Variants in RTN4IP1 observed in about 807,000 individuals in gnomAD.
RTN4IP1 encodes NAD(P)H oxidoreductase RTN4IP1, mitochondrial.
In RTN4IP1, 32 loss-of-function variants were observed where a neutral mutation model predicts 46.6. The observed-to-expected ratio is 0.69, with a 90% confidence interval of 0.52 to 0.92. The LOEUF is 0.92. RTN4IP1 is among the 40% of genes least tolerant of loss of function. The probability of loss-of-function intolerance (pLI) is 0.00; values close to 1 mark genes in which losing one functional copy is unlikely to be tolerated. For missense variants in RTN4IP1, 424 were observed against 485.8 expected (o/e 0.87, Z 1.20); for synonymous variants, 167 against 161.8 (o/e 1.03, Z -0.24).
At chr6:106,610,739 A>C (rs977920552) in intron 4 of RTN4IP1, among the ~76,000 whole-genome samples, 3 of 152,110 alleles carry the variant, frequency 2.0e-5, no homozygotes, top group Admixed American at 1.3e-4. Context: ...TCTTAAGTAC[A>C]CATATAGAGC....
chr6:106,608,622 C>T (rs571968436), intron 4 of RTN4IP1, among the ~76,000 whole-genome samples: 8 of 152,242 alleles, frequency 5.3e-5, no homozygotes, highest in African/African-American at 1.9e-4. Context: ...CATTACATAT[C>T]AACTAACATT....
At position 106,583,310 on chromosome 6, in the gene RTN4IP1, G is replaced by T; in HGVS notation, c.1083+18C>A. The T allele has an allele frequency of 1.2e-6, 2 of 1,602,488 alleles. No individual in the cohort carries two copies. The highest frequency in any genetic ancestry group is 1.7e-6 in the Non-Finnish European group (2 of 1,170,328). Reference sequence around the variant, plus strand: ...AGAAATACAAAGGCTTCCAATCCAGGTTTCCAGGTGCACGTACCTTTCCCG... The same window carrying T: ...AGAAATACAAAGGCTTCCAATCCAGTTTTCCAGGTGCACGTACCTTTCCCG... On this transcript the variant is annotated intron_variant, in intron 8 of 8. Transcript: ENST00000369063.
At position 106,628,050 on chromosome 6, in the gene RTN4IP1, G is replaced by A. The variant is rs192218666; in HGVS notation, c.274+698C>T. Among the ~76,000 whole-genome samples, 5 of 149,440 alleles carry A rather than the reference G, an allele frequency of 3.3e-5. No homozygotes were observed. In the East Asian group the frequency reaches 6.2e-4, roughly 18 times the overall value. On this transcript the variant is annotated intron_variant, in intron 1 of 8. Transcript: ENST00000369063. ...GCCCTTGCACTCCAGCCTGCCGATA[G>A]AGTGAGACTCTGTCTCAAAAACAAA... is the stretch of plus-strand genomic sequence containing the variant.
chr6:106,623,947 T>C (rs1776563184), intron 1 of RTN4IP1, among the ~76,000 whole-genome samples: 1 of 152,262 alleles, frequency 6.6e-6, no homozygotes, highest in Non-Finnish European at 1.5e-5. Flanking sequence ...TCCTTAAACA[T>C]GTTTCTAGAA....
intron 6 of RTN4IP1, 70 bp downstream of exon 6, chr6:106,592,094 G>A: frequency 6.8e-7 from 1 of 1,468,696 alleles, no homozygotes; most frequent in Non-Finnish European, 9.3e-7. Flanking sequence ...AAGCCACCAA[G>A]CCATCTCAGA....
intron 8 of RTN4IP1, among the ~76,000 whole-genome samples, chr6:106,575,321 G>A (rs1775198021): frequency 1.3e-5 from 2 of 152,330 alleles, no homozygotes; most frequent in South Asian, 4.1e-4. Context: ...TTCAGTCTTG[G>A]ATTCATGTGT....
chr6:106,575,174 T>C lies in RTN4IP1; in HGVS notation c.1084-3071A>G, dbSNP rs983905616. Among the ~76,000 whole-genome samples the C allele has an allele frequency of 2.6e-5, 4 of 152,246 alleles. No homozygotes were observed. In the Middle Eastern group the frequency reaches 0.01, roughly 388 times the overall value. On this transcript the variant is annotated intron_variant, in intron 8 of 8. Coordinates refer to ENST00000369063, the MANE Select transcript of RTN4IP1 (RefSeq NM_032730.5). ...GTTACTCACAGTGAAGTAGGGATGT[T>C]TATGTGATGACGCTGCTATAGTCCA...
rs1776484242 is a variant in RTN4IP1, at chr6:106,621,435, C to G, written c.485G>C (p.Ser162Thr). 1.2e-6 allele frequency: 2 copies of G among 1,613,538 alleles called. No homozygotes were observed. Among genetic ancestry groups the G allele is most frequent in the African/African-American group, 2.7e-5 (2 of 75,042 alleles). ...GAGTTGGTAAGTTACCTCATTCCCA[C>G]TGACTACAACAAACTCTGAAAGAGT... is the stretch of plus-strand genomic sequence containing the variant. ...QGTLSEFVVV[S>T]GNEVSHKPKS... Residue 162 changes from serine (S) to threonine (T), a missense_variant, in exon 3 of 9, where the codon AGT (serine) becomes ACT (threonine). Ser to Thr is a moderately conservative substitution (Grantham distance 58, BLOSUM62 1). Transcript: ENST00000369063.
intron 3 of RTN4IP1, among the ~76,000 whole-genome samples, chr6:106,620,605 A>C (rs1286733183): frequency 6.6e-6 from 1 of 152,000 alleles, no homozygotes; most frequent in Non-Finnish European, 1.5e-5. Context: ...TGCATATCTT[A>C]CTCCAAGATT....
At chr6:106,624,289 C>G (rs555068871) in intron 1 of RTN4IP1, among the ~76,000 whole-genome samples, 2 of 152,060 alleles carry the variant, frequency 1.3e-5, no homozygotes, top group Admixed American at 6.5e-5. Context: ...CTCCCTACCT[C>G]GTGATCCGCC....
At chr6:106,616,494 GA>G (rs1452807895) in intron 4 of RTN4IP1, among the ~76,000 whole-genome samples, 2 of 151,514 alleles carry the variant, frequency 1.3e-5, no homozygotes, top group African/African-American at 2.4e-5. Flanking sequence ...TAACTGATTA[GA>G]AAAAAAAGAT....
At chr6:106,588,105 A>G (rs1046900048) in intron 6 of RTN4IP1, among the ~76,000 whole-genome samples, 14 of 152,204 alleles carry the variant, frequency 9.2e-5, no homozygotes, top group Non-Finnish European at 2.1e-4. Context: ...TCATAAAATC[A>G]TTTCATTTTC....
intron 5 of RTN4IP1, among the ~76,000 whole-genome samples, chr6:106,597,895 T>C (rs75903993): frequency 1.3e-5 from 2 of 152,136 alleles, no homozygotes; most frequent in Admixed American, 6.5e-5. Flanking sequence ...CCTTCCTGTG[T>C]CCATGTGATC....
At chr6:106,580,953 CAT>C (rs1387163019) in intron 8 of RTN4IP1, among the ~76,000 whole-genome samples, 4 of 140,792 alleles carry the variant, frequency 2.8e-5, no homozygotes, top group Non-Finnish European at 4.6e-5. Context: ...TATATCCTGA[CAT>C]AAAACAAATT....
At chr6:106,574,820 T>C (rs1775182005) in intron 8 of RTN4IP1, among the ~76,000 whole-genome samples, 1 of 152,238 alleles carries the variant, frequency 6.6e-6, no homozygotes, top group Non-Finnish European at 1.5e-5. Context: ...TTTAGAGCTC[T>C]GACCGGGGAC....
chr6:106,626,955 T>C (rs1228565981), intron 1 of RTN4IP1, among the ~76,000 whole-genome samples: 6 of 152,206 alleles, frequency 3.9e-5, no homozygotes, highest in Admixed American at 6.5e-5. Flanking sequence ...CGTCCAACAG[T>C]AGTGGCCGTC....
intron 4 of RTN4IP1, among the ~76,000 whole-genome samples, chr6:106,603,423 C>T (rs866234833): frequency 3.9e-5 from 6 of 152,320 alleles, no homozygotes; most frequent in Middle Eastern, 3.4e-3. Context: ...CTCGATGTGG[C>T]TTCCTGTTAA....
At chr6:106,620,489 G>A (rs531456107) in intron 3 of RTN4IP1, among the ~76,000 whole-genome samples, 1 of 152,226 alleles carries the variant, frequency 6.6e-6, no homozygotes, top group Admixed American at 6.5e-5. Flanking sequence ...AAAGATGTAG[G>A]TGCATTTTCT....
chr6:106,598,467 T>C (rs1448933988), intron 5 of RTN4IP1, among the ~76,000 whole-genome samples: 1 of 150,860 alleles, frequency 6.6e-6, no homozygotes, highest in Admixed American at 6.6e-5. Context: ...CATTTTTTCA[T>C]GTGTTTTTTG....
Sources: gnomAD v4.1 joint callset for allele counts (sites outside exome capture counted in the v4.1 genomes callset) on GRCh38, gnomAD v4.1.1 for gene constraint, MANE v1.5 for transcripts, NCBI Gene and HGNC (gene_info 2026-07-23, HGNC 2026-07-21) for gene names.